Variants in GLB1L3 observed in about 807,000 individuals in gnomAD.
GLB1L3 encodes the protein galactosidase beta 1 like 3, also known as beta-galactosidase-1-like protein 3.
GLB1L3 carries 89 observed loss-of-function variants against 89.5 expected under a neutral mutation model. That is an observed-to-expected ratio of 0.99 (90% CI 0.84 to 1.19). GLB1L3 has a LOEUF of 1.19. GLB1L3 is among the 50% of genes most tolerant of loss of function. The pLI, the probability that GLB1L3 is intolerant of heterozygous loss-of-function variation, is 0.00. For synonymous variants in GLB1L3, 314 were observed against 312.3 expected, an observed-to-expected ratio of 1.01 and a Z score of -0.06; for missense variants, 812 against 813.3, an observed-to-expected ratio of 1.00 and a Z score of 0.02.
intron 13 of GLB1L3, chr11:134,311,999 G>A (rs1448368968): frequency 5.4e-6 from 1 of 185,200 alleles, no homozygotes; most frequent in African/African-American, 2.4e-5. Flanking sequence ...GTCTCACTAT[G>A]TTGCCCAGGC....
At chr11:134,308,475 TACCAC>T (rs1942478764) in intron 10 of GLB1L3, among the ~76,000 whole-genome samples, 5 of 20,352 alleles carry the variant, frequency 2.5e-4, no homozygotes, top group Admixed American at 1.8e-3. Flanking sequence ...CACCACCAAA[TACCAC>T]CACCACCATC....
intron 11 of GLB1L3, 113 bp downstream of exon 11, chr11:134,309,876 T>C: frequency 2.5e-6 from 3 of 1,176,594 alleles, no homozygotes; most frequent in East Asian, 2.6e-5. Flanking sequence ...TAATCTATGC[T>C]GAGTACTGAA....
At position 134,277,750 on chromosome 11, in the gene GLB1L3, G is replaced by A. The variant is rs781350505; in HGVS notation, c.200G>A (p.Gly67Glu). Reference protein sequence around the residue: ...TPLELKNRSVGLGTESTGRGK... With the variant: ...TPLELKNRSVELGTESTGRGK... ...CTGGAGCTGAAGAATCGATCTGTGG[G>A]ACTTGGAACTGAAAGCACAGGTCGG... The change falls in exon 3 of 20, where the codon GGA (glycine) becomes GAA (glutamate). Residue 67 changes from glycine to glutamate, a missense_variant. This residue lies in a region of GLB1L3 where 191 missense variants were observed against 191.4 expected (regional missense o/e 1.00). Coordinates refer to ENST00000431683, the MANE Select transcript of GLB1L3 (RefSeq NM_001080407.3). 1.2e-6 allele frequency: 2 copies of A among 1,613,570 alleles called. No individual in the cohort carries two copies. Among genetic ancestry groups the A allele is most frequent in the Admixed American group, 3.3e-5 (2 of 59,954 alleles).
chr11:134,282,155 A>G, intron 5 of GLB1L3, 35 bp downstream of exon 5: 1 of 1,537,278 alleles, frequency 6.5e-7, no homozygotes, highest in East Asian at 2.3e-5. Context: ...TCGTGGTTCT[A>G]GTGAAGTATT....
chr11:134,321,465 C>A (rs1006714286), downstream of GLB1L3, among the ~76,000 whole-genome samples: 1 of 152,116 alleles, frequency 6.6e-6, no homozygotes, highest in Admixed American at 6.5e-5. Flanking sequence ...AAGACACATG[C>A]ACACGTATGT....
At position 134,319,193 on chromosome 11, in the gene GLB1L3, A is replaced by T; in HGVS notation, c.*251A>T. The T allele has an allele frequency of 2.4e-6, 1 of 421,612 alleles. No individual in the cohort carries two copies. The allele number at this position is 421,612 out of a possible 1,614,324, so 26.1% of individuals were successfully genotyped here. On this transcript the variant is annotated 3_prime_UTR_variant, in exon 20 of 20. Transcript: ENST00000431683. ...ATGGTCCCAATCTCCTGACCTTGTG[A>T]TCTGCTCTCCTCAGCCTCCCAAAGT... is the stretch of plus-strand genomic sequence containing the variant.
chr11:134,285,913 T>TC (rs920175735), intron 6 of GLB1L3, among the ~76,000 whole-genome samples: 9 of 151,088 alleles, frequency 6.0e-5, no homozygotes, highest in African/African-American at 2.2e-4. Flanking sequence ...GTTCTGTTTT[T>TC]TTTTTTTTTT....
At chr11:134,322,928 AC>A (rs1298614628), downstream of GLB1L3, among the ~76,000 whole-genome samples, 1 of 152,080 alleles carries the variant, frequency 6.6e-6, no homozygotes, top group Non-Finnish European at 1.5e-5. Context: ...TTGGTTATAT[AC>A]CTGGAAGAGG....
chr11:134,278,426 A>G (rs574815692), intron 3 of GLB1L3, among the ~76,000 whole-genome samples: 1 of 152,134 alleles, frequency 6.6e-6, no homozygotes, highest in Non-Finnish European at 1.5e-5. Context: ...CTGGGGCCAC[A>G]GGTGCATGCC....
intron 5 of GLB1L3, 129 bp from the exon 6 acceptor site, chr11:134,283,608 C>CGA: frequency 1.7e-6 from 1 of 599,702 alleles, no homozygotes; most frequent in South Asian, 2.0e-5. Flanking sequence ...TTCCAGGACC[C>CGA]GAGTGCTCCG....
intron 9 of GLB1L3, among the ~76,000 whole-genome samples, chr11:134,296,846 A>ATAATAATAT (rs1341631531): frequency 7.5e-6 from 1 of 132,682 alleles, no homozygotes; most frequent in Non-Finnish European, 1.6e-5. Flanking sequence ...TATAATAATA[A>ATAATAATAT]TAATAATAAT....
rs923317979 is a variant in GLB1L3, at chr11:134,305,171, C to T, written c.877-1953C>T. The T allele has an allele frequency of 7.9e-6, 10 of 1,260,548 alleles. No individual in the cohort carries two copies. The African/African-American group carries it at 1.3e-4, about 17-fold the overall frequency. 78.1% of individuals were successfully genotyped at this position (1,260,548 alleles called of 1,614,324 possible). A position where few individuals can be genotyped will look rare whatever the true frequency, so the allele number is the denominator to read the frequency against. The stretch of plus-strand genomic sequence containing the variant: ...ATGCCTCACAAGCAGCAACTTCTTC[C>T]TCCTTATAGTTCTTATCTGTGATTC... On this transcript the variant is annotated intron_variant, in intron 9 of 19. Transcript: ENST00000431683.
chr11:134,311,009 A>T lies in GLB1L3; in HGVS notation c.1181-55A>T. On this transcript the variant is annotated intron_variant, in intron 12 of 19. Coordinates refer to ENST00000431683, the MANE Select transcript of GLB1L3 (RefSeq NM_001080407.3). ...TGCTGGATAGGCATGGGGGGCTTAGAGAAGGCAGTGGTCATCTCAGGCACT... is the reference window on the plus strand; with the variant it reads ...TGCTGGATAGGCATGGGGGGCTTAGTGAAGGCAGTGGTCATCTCAGGCACT... 3 of 1,271,126 alleles carry T rather than the reference A, an allele frequency of 2.4e-6. No homozygotes were observed. In the South Asian group the frequency reaches 3.6e-5, roughly 15 times the overall value. The allele number at this position is 1,271,126 out of a possible 1,614,324, so 78.7% of individuals were successfully genotyped here.
chr11:134,310,747 A>G, intron 12 of GLB1L3, 96 bp downstream of exon 12: 1 of 894,626 alleles, frequency 1.1e-6, no homozygotes, highest in Non-Finnish European at 1.8e-6. Context: ...CCTTGTGGGC[A>G]GCAGTTACAC....
chr11:134,308,977 A>G (rs1337293609), intron 10 of GLB1L3, among the ~76,000 whole-genome samples: 1 of 152,188 alleles, frequency 6.6e-6, no homozygotes, highest in Non-Finnish European at 1.5e-5. Flanking sequence ...TAAACACAGT[A>G]CAAAATGGAA....
chr11:134,299,498 T>G (rs1941831026), intron 9 of GLB1L3, among the ~76,000 whole-genome samples: 1 of 152,126 alleles, frequency 6.6e-6, no homozygotes, highest in South Asian at 2.1e-4. Context: ...TTGTGGGGTT[T>G]GTTGTTGCTG....
chr11:134,291,630 AAAT>A (rs548859455), intron 7 of GLB1L3, among the ~76,000 whole-genome samples: 157 of 152,334 alleles, frequency 1.0e-3, no homozygotes, highest in African/African-American at 3.5e-3. Context: ...ACTCTTTAGG[AAAT>A]AATGATGAGA....
chr11:134,291,930 G>A (rs911559856), intron 7 of GLB1L3, among the ~76,000 whole-genome samples: 1 of 152,148 alleles, frequency 6.6e-6, no homozygotes, highest in African/African-American at 2.4e-5. Context: ...AGCTATGATC[G>A]TGCCACTGCA....
intron 3 of GLB1L3, among the ~76,000 whole-genome samples, chr11:134,280,529 C>T (rs1304087895): frequency 6.6e-6 from 1 of 151,966 alleles, no homozygotes; most frequent in African/African-American, 2.4e-5. Flanking sequence ...TGCTTATTTT[C>T]TTTGTTTCTT....
Sources: allele counts gnomAD v4.1 joint callset (sites outside exome capture counted in the v4.1 genomes callset), GRCh38; gene constraint gnomAD v4.1.1; regional missense constraint gnomAD v4.1.1; transcripts MANE v1.5; gene names NCBI Gene and HGNC (gene_info 2026-07-23, HGNC 2026-07-21).